The following ZSWIM6 variants were observed in gnomAD, a reference collection of about 807,000 sequenced individuals.
The protein encoded by ZSWIM6 is zinc finger SWIM domain-containing protein 6.
Under a neutral mutation model 113.2 loss-of-function variants are expected in ZSWIM6, and 9 were observed. The ratio of observed to expected loss-of-function variants is 0.08; its 90% CI spans 0.05 to 0.14. The LOEUF (loss-of-function observed/expected upper bound fraction) is 0.14, where lower values mean the gene tolerates loss of function less well. ZSWIM6 is among the 10% of genes least tolerant of loss of function. The pLI is 1.00. For missense variants in ZSWIM6, 1,162 were observed against 1,552.2 expected, an observed-to-expected ratio of 0.75 and a Z score of 4.22; for synonymous variants, 611 against 606.5, an observed-to-expected ratio of 1.01 and a Z score of -0.11.
intron 1 of ZSWIM6, among the ~76,000 whole-genome samples, chr5:61,451,078 A>G (rs1747076482): frequency 6.6e-6 from 1 of 152,184 alleles, no homozygotes; most frequent in African/African-American, 2.4e-5. Context: ...ATTGTGATCA[A>G]TAAAGACAGC....
chr5:61,435,626 A>G (rs1185333341), intron 1 of ZSWIM6, among the ~76,000 whole-genome samples: 2 of 152,210 alleles, frequency 1.3e-5, no homozygotes, highest in African/African-American at 4.8e-5. Context: ...TCATAAACAG[A>G]TGTGGTTTTG....
chr5:61,375,081 C>T lies in ZSWIM6; in HGVS notation c.676+42133C>T, dbSNP rs537323349. 38 of 1,590,614 alleles carry T rather than the reference C, an allele frequency of 2.4e-5. 1 individual carries two copies. Among genetic ancestry groups the T allele is most frequent in the South Asian group, 1.8e-4 (16 of 90,532 alleles). ...TAAGTCTCTCCGGCCCGGTTTCCCT[C>T]GGTGTGCTACTGTGCGCGCGATCCA... is the stretch of plus-strand genomic sequence containing the variant. On this transcript the variant is annotated intron_variant, in intron 1 of 13. Transcript: ENST00000252744.
At chr5:61,416,248 C>G (rs1746250394) in intron 1 of ZSWIM6, among the ~76,000 whole-genome samples, 1 of 152,152 alleles carries the variant, frequency 6.6e-6, no homozygotes. Context: ...TCACCAAGGC[C>G]CTGTTAAGAT....
intron 1 of ZSWIM6, among the ~76,000 whole-genome samples, chr5:61,352,171 C>G (rs1035076386): frequency 1.3e-5 from 2 of 152,210 alleles, no homozygotes; most frequent in Non-Finnish European, 2.9e-5. Flanking sequence ...GTCTGGAATG[C>G]TCTTCTGTGC....
At chr5:61,338,174 T>G (rs1291885291) in intron 1 of ZSWIM6, among the ~76,000 whole-genome samples, 1 of 152,004 alleles carries the variant, frequency 6.6e-6, no homozygotes, top group Non-Finnish European at 1.5e-5. Context: ...GTTTTTTTTT[T>G]TTGTGGGGGT....
intron 1 of ZSWIM6, among the ~76,000 whole-genome samples, chr5:61,456,892 T>C (rs1173597764): frequency 1.7e-5 from 2 of 120,850 alleles, no homozygotes; most frequent in East Asian, 7.9e-4. Context: ...TCCAATTTCT[T>C]TTTTTTTTTT....
At chr5:61,374,874 A>T (rs1745338269) in intron 1 of ZSWIM6, among the ~76,000 whole-genome samples, 1 of 152,184 alleles carries the variant, frequency 6.6e-6, no homozygotes, top group African/African-American at 2.4e-5. Context: ...CTTAAAGGTA[A>T]ATAAGCTCCC....
intron 1 of ZSWIM6, among the ~76,000 whole-genome samples, chr5:61,379,975 G>T (rs920088027): frequency 4.6e-5 from 7 of 152,146 alleles, no homozygotes; most frequent in African/African-American, 1.4e-4. Context: ...GCCTGTTTGT[G>T]TGATATTTAA....
At chr5:61,481,620 G>A (rs1747868286) in intron 2 of ZSWIM6, among the ~76,000 whole-genome samples, 2 of 151,708 alleles carry the variant, frequency 1.3e-5, no homozygotes, top group Non-Finnish European at 2.9e-5. Context: ...GAACTACTGG[G>A]GCAAGCAAGT....
chr5:61,510,938 A>G (rs16891983), intron 4 of ZSWIM6, among the ~76,000 whole-genome samples: 3,916 of 152,178 alleles, frequency 0.026, 169 homozygotes, highest in South Asian at 0.18. Context: ...AGCAGAATGA[A>G]GTGTTTAATC....
chr5:61,481,498 G>A (rs568384498), intron 2 of ZSWIM6, among the ~76,000 whole-genome samples: 62 of 151,928 alleles, frequency 4.1e-4, no homozygotes, highest in Non-Finnish European at 7.1e-4. Context: ...GAATTCTACC[G>A]CTCCCACCAT....
chr5:61,393,321 C>G (rs560560092), intron 1 of ZSWIM6, among the ~76,000 whole-genome samples: 1 of 152,194 alleles, frequency 6.6e-6, no homozygotes, highest in South Asian at 2.1e-4. Context: ...GCTGGGACCA[C>G]AGGCGTGAGC....
chr5:61,454,880 A>C (rs1477267397), intron 1 of ZSWIM6, among the ~76,000 whole-genome samples: 1 of 145,330 alleles, frequency 6.9e-6, no homozygotes, highest in African/African-American at 2.5e-5. Context: ...CACTGCCCCC[A>C]GTGAAGGTTT....
chr5:61,376,883 G>A (rs909396537), intron 1 of ZSWIM6, among the ~76,000 whole-genome samples: 4 of 149,326 alleles, frequency 2.7e-5, no homozygotes, highest in African/African-American at 5.0e-5. Flanking sequence ...TGGCCTACTT[G>A]CCAAGATATT....
intron 1 of ZSWIM6, among the ~76,000 whole-genome samples, chr5:61,335,910 T>G (rs1744382047): frequency 6.6e-6 from 1 of 152,258 alleles, no homozygotes; most frequent in Non-Finnish European, 1.5e-5. Context: ...GCACAGAGCT[T>G]GCTCATCAGT....
In ZSWIM6 at chr5:61,477,258, A is replaced by G. The variant is rs76789145; in HGVS notation, c.1033+4221A>G. 2.0e-5 allele frequency among the ~76,000 whole-genome samples: 3 copies of G among 152,330 alleles called. No individual in the cohort carries two copies. The East Asian group carries it at 5.8e-4, about 29-fold the overall frequency. ...GAGGAAAAGAGGAAAGGATCATTTCAGTGGCCCTTTTACTCCCAGGAGCTG... is the reference window on the plus strand; with the variant it reads ...GAGGAAAAGAGGAAAGGATCATTTCGGTGGCCCTTTTACTCCCAGGAGCTG... On this transcript the variant is annotated intron_variant, in intron 2 of 13. Transcript: ENST00000252744.
At chr5:61,433,498 G>GTTTT (rs1746629685) in intron 1 of ZSWIM6, among the ~76,000 whole-genome samples, 1 of 148,596 alleles carries the variant, frequency 6.7e-6, no homozygotes, top group Non-Finnish European at 1.5e-5. Context: ...TTGAGACAGA[G>GTTTT]TTTTGCTCTT....
At chr5:61,438,035 G>A (rs775906342) in intron 1 of ZSWIM6, among the ~76,000 whole-genome samples, 1 of 152,080 alleles carries the variant, frequency 6.6e-6, no homozygotes, top group Non-Finnish European at 1.5e-5. Context: ...GAAGGTTCAT[G>A]AACAAAATCA....
At chr5:61,471,954 TAAC>T (rs1747583117) in intron 1 of ZSWIM6, among the ~76,000 whole-genome samples, 4 of 142,572 alleles carry the variant, frequency 2.8e-5, no homozygotes, top group Admixed American at 2.1e-4. Flanking sequence ...GTGTGTGTAA[TAAC>T]TGTACATCTG....
Sources: gnomAD v4.1 joint callset for allele counts (sites outside exome capture counted in the v4.1 genomes callset) on GRCh38, gnomAD v4.1.1 for gene constraint, MANE v1.5 for transcripts, NCBI Gene and HGNC (gene_info 2026-07-23, HGNC 2026-07-21) for gene names.